Variants in FHIT observed in about 807,000 individuals in gnomAD.
FHIT encodes the protein fragile histidine triad diadenosine triphosphatase.
FHIT carries 19 observed loss-of-function variants against 17.9 expected under a neutral mutation model. The ratio of observed to expected loss-of-function variants is 1.06; its 90% CI spans 0.74 to 1.56. FHIT has a LOEUF of 1.56. Among genes scored for constraint, FHIT ranks in the 40% most tolerant of loss-of-function variants. FHIT has a pLI of 0.00. For synonymous variants in FHIT, 81 were observed against 69.7 expected (o/e 1.16, Z -0.81); for missense variants, 248 against 189.2 (o/e 1.31, Z -1.82).
chr3:60,585,352 C>G (rs2037873264), intron 4 of FHIT, among the ~76,000 whole-genome samples: 1 of 151,976 alleles, frequency 6.6e-6, no homozygotes, highest in Admixed American at 6.6e-5. Context: ...TGGAGTCAGA[C>G]ACAGGTGCAT....
At chr3:59,953,704 C>T (rs1449323769) in intron 7 of FHIT, among the ~76,000 whole-genome samples, 1 of 152,198 alleles carries the variant, frequency 6.6e-6, no homozygotes, top group African/African-American at 2.4e-5. Flanking sequence ...ACTGCTGACA[C>T]CTAGCACACC....
intron 4 of FHIT, among the ~76,000 whole-genome samples, chr3:60,648,516 C>T (rs1362811177): frequency 6.6e-6 from 1 of 151,652 alleles, no homozygotes; most frequent in South Asian, 2.1e-4. Flanking sequence ...AGGGTAGAAG[C>T]CTAAAGCAAA....
chr3:60,562,379 G>T (rs940768773), intron 4 of FHIT, among the ~76,000 whole-genome samples: 3 of 152,140 alleles, frequency 2.0e-5, no homozygotes, highest in African/African-American at 7.2e-5. Flanking sequence ...GAGAGTGAGT[G>T]ATGGAGTGGC....
chr3:60,454,930 G>A (rs2031992289), intron 5 of FHIT, among the ~76,000 whole-genome samples: 1 of 151,926 alleles, frequency 6.6e-6, no homozygotes, highest in Non-Finnish European at 1.5e-5. Context: ...TATTACCCAA[G>A]TTTAATATTA....
chr3:61,027,901 C>T (rs1225370164), intron 3 of FHIT, among the ~76,000 whole-genome samples: 1 of 152,106 alleles, frequency 6.6e-6, no homozygotes, highest in Non-Finnish European at 1.5e-5. Flanking sequence ...ATAATAAACA[C>T]ACATGCAAGC....
intron 4 of FHIT, among the ~76,000 whole-genome samples, chr3:60,548,503 A>T (rs2036443555): frequency 6.6e-6 from 1 of 152,198 alleles, no homozygotes; most frequent in Non-Finnish European, 1.5e-5. Flanking sequence ...AAGATGTGAA[A>T]TTCTAATCAA....
At chr3:60,108,883 G>A (rs373361961) in intron 5 of FHIT, among the ~76,000 whole-genome samples, 3 of 152,082 alleles carry the variant, frequency 2.0e-5, no homozygotes, top group Admixed American at 1.3e-4. Context: ...GGCTGGTCTC[G>A]TACTCCCGAC....
intron 5 of FHIT, among the ~76,000 whole-genome samples, chr3:60,133,152 C>T (rs9682976): frequency 0.093 from 14,071 of 152,050 alleles, 745 homozygotes; most frequent in African/African-American, 0.14. Context: ...CTCTTAAAAC[C>T]TTAGGCTGGA....
At chr3:61,007,246 T>C (rs1215842620) in intron 3 of FHIT, among the ~76,000 whole-genome samples, 1 of 152,216 alleles carries the variant, frequency 6.6e-6, no homozygotes, top group Non-Finnish European at 1.5e-5. Flanking sequence ...ATCACAAAGT[T>C]AGACCCTGTC....
intron 5 of FHIT, among the ~76,000 whole-genome samples, chr3:60,285,475 C>A (rs537348090): frequency 6.6e-6 from 1 of 152,198 alleles, no homozygotes; most frequent in Non-Finnish European, 1.5e-5. Flanking sequence ...ATGACATTTT[C>A]TTAATCTTCA....
chr3:60,329,411 C>T (rs1164184020), intron 5 of FHIT, among the ~76,000 whole-genome samples: 4 of 152,194 alleles, frequency 2.6e-5, no homozygotes, highest in Non-Finnish European at 5.9e-5. Context: ...ACAAGACATT[C>T]TTTACCAGTG....
chr3:61,219,604 T>C (rs775153221), intron 1 of FHIT, among the ~76,000 whole-genome samples: 2 of 152,174 alleles, frequency 1.3e-5, no homozygotes, highest in Non-Finnish European at 2.9e-5. Context: ...CCATATTTTG[T>C]TCTAGAGCAG....
At chr3:60,569,732 T>TATATATATATATATATAC (rs1359403866) in intron 4 of FHIT, among the ~76,000 whole-genome samples, 60 of 31,722 alleles carry the variant, frequency 1.9e-3, no homozygotes, top group Middle Eastern at 0.011. Flanking sequence ...ATACTATATA[T>TATATATATATATATATAC]ATATATATAT....
intron 4 of FHIT, among the ~76,000 whole-genome samples, chr3:60,815,450 T>C (rs1701705927): frequency 6.6e-6 from 1 of 152,110 alleles, no homozygotes; most frequent in Non-Finnish European, 1.5e-5. Flanking sequence ...CATTCTTCTG[T>C]ATATGGCTAG....
At chr3:60,707,488 T>C (rs139784205) in intron 4 of FHIT, among the ~76,000 whole-genome samples, 181 of 152,312 alleles carry the variant, frequency 1.2e-3, no homozygotes, top group African/African-American at 4.2e-3. Context: ...TTTTCATGGT[T>C]ATTTTTAATT....
chr3:60,110,533 G>C (rs1163764305), intron 5 of FHIT, among the ~76,000 whole-genome samples: 1 of 152,120 alleles, frequency 6.6e-6, no homozygotes, highest in Non-Finnish European at 1.5e-5. Context: ...GTGATTCAGA[G>C]CCAAGTTTAC....
intron 7 of FHIT, among the ~76,000 whole-genome samples, chr3:59,927,684 G>A (rs976962258): frequency 1.3e-5 from 2 of 152,026 alleles, no homozygotes; most frequent in South Asian, 2.1e-4. Context: ...TAGGAGAATC[G>A]CTTGAACCCG....
chr3:61,210,271 G>T (rs1242447445), intron 1 of FHIT, among the ~76,000 whole-genome samples: 2 of 152,322 alleles, frequency 1.3e-5, no homozygotes, highest in Admixed American at 1.3e-4. Context: ...ACTTGAGGAG[G>T]CAGTCTGCCC....
At chr3:60,006,260 G>A (rs1699920422) in intron 7 of FHIT, among the ~76,000 whole-genome samples, 1 of 152,166 alleles carries the variant, frequency 6.6e-6, no homozygotes, top group African/African-American at 2.4e-5. Flanking sequence ...GTTCAGATAA[G>A]ATATTTAAAT....
Sources: allele counts gnomAD v4.1 joint callset (sites outside exome capture counted in the v4.1 genomes callset), GRCh38; gene constraint gnomAD v4.1.1; transcripts MANE v1.5; gene names NCBI Gene and HGNC (gene_info 2026-07-23, HGNC 2026-07-21).